The following COMMD1 variants were observed in gnomAD, a reference collection of about 807,000 sequenced individuals.
COMMD1 encodes COMM domain-containing protein 1.
COMMD1 carries 10 observed loss-of-function variants against 17.2 expected under a neutral mutation model. That is an observed-to-expected ratio of 0.58 (90% CI 0.36 to 0.99). The LOEUF is 0.99. COMMD1 is among the 50% of genes least tolerant of loss of function. COMMD1 has a pLI of 0.01. For synonymous variants in COMMD1, 97 were observed against 91.6 expected (o/e 1.06, Z -0.34); for missense variants, 270 against 231.8 (o/e 1.17, Z -1.07).
chr2:61,905,912 C>A, intron 1 of COMMD1, 54 bp downstream of exon 1: 1 of 1,566,248 alleles, frequency 6.4e-7, no homozygotes, highest in Non-Finnish European at 8.8e-7. Context: ...TGGCCGCTGG[C>A]TTCAGACTCT....
intron 2 of COMMD1, among the ~76,000 whole-genome samples, chr2:62,080,144 GAA>G (rs1671477200): frequency 4.6e-5 from 7 of 152,070 alleles, no homozygotes; most frequent in Admixed American, 4.6e-4. Context: ...TGTCCACAAA[GAA>G]AACCAGAATG....
chr2:61,978,167 A>T (rs1671857699), intron 1 of COMMD1, among the ~76,000 whole-genome samples: 1 of 152,152 alleles, frequency 6.6e-6, no homozygotes, highest in Admixed American at 6.6e-5. Flanking sequence ...AAGTATATTT[A>T]TTGCTAGATG....
At chr2:62,020,872 G>A (rs755473605) in intron 2 of COMMD1, among the ~76,000 whole-genome samples, 7 of 152,162 alleles carry the variant, frequency 4.6e-5, no homozygotes, top group South Asian at 2.1e-4. Context: ...GCGTCATGGC[G>A]CATGCCTGTA....
At chr2:62,004,440 T>C (rs1014921074) in intron 2 of COMMD1, among the ~76,000 whole-genome samples, 2 of 152,090 alleles carry the variant, frequency 1.3e-5, no homozygotes, top group African/African-American at 4.8e-5. Flanking sequence ...TAGCTGGGAT[T>C]ACAGGTGCCT....
chr2:62,000,442 G>A (rs1668897625), intron 1 of COMMD1, among the ~76,000 whole-genome samples: 4 of 151,436 alleles, frequency 2.6e-5, no homozygotes, highest in East Asian at 1.9e-4. Context: ...TATATACCAC[G>A]CACAACCATG....
intron 1 of COMMD1, among the ~76,000 whole-genome samples, chr2:61,930,548 T>G (rs915794550): frequency 2.6e-5 from 4 of 151,614 alleles, no homozygotes; most frequent in Non-Finnish European, 5.9e-5. Flanking sequence ...AGAGCAAGAC[T>G]CCGTCTCGGA....
chr2:62,079,253 T>C (rs1294926786), intron 2 of COMMD1, among the ~76,000 whole-genome samples: 1 of 152,126 alleles, frequency 6.6e-6, no homozygotes, highest in East Asian at 1.9e-4. Context: ...CAGTAGGGCG[T>C]TCCTGAAAGA....
chr2:62,133,588 T>C (rs910426004), intron 2 of COMMD1, among the ~76,000 whole-genome samples: 1 of 151,700 alleles, frequency 6.6e-6, no homozygotes, highest in Non-Finnish European at 1.5e-5. Context: ...GCAGTTAGAC[T>C]TGAAAGCTTG....
At chr2:61,925,228 A>T (rs966694834) in intron 1 of COMMD1, among the ~76,000 whole-genome samples, 3 of 151,894 alleles carry the variant, frequency 2.0e-5, no homozygotes, top group African/African-American at 7.3e-5. Context: ...TCCCGGCCAG[A>T]GTCTGTCTGC....
At chr2:62,118,051 G>A (rs944548295) in intron 2 of COMMD1, among the ~76,000 whole-genome samples, 4 of 152,168 alleles carry the variant, frequency 2.6e-5, no homozygotes, top group Admixed American at 6.5e-5. Context: ...AATTGTGTGC[G>A]ATTTTAAGTA....
chr2:62,066,436 CTTT>C (rs34663203), intron 2 of COMMD1, among the ~76,000 whole-genome samples: 6 of 137,020 alleles, frequency 4.4e-5, no homozygotes, highest in Admixed American at 7.3e-5. Context: ...AAGATCAAAT[CTTT>C]TTTTTTTTTT....
chr2:61,890,776 G>A (rs1207850346), intron 1 of COMMD1, among the ~76,000 whole-genome samples: 1 of 148,318 alleles, frequency 6.7e-6, no homozygotes, highest in African/African-American at 2.5e-5. Context: ...GCAGTGAGCC[G>A]AGATTGCGCC....
In COMMD1 at chr2:62,035,298, G is replaced by T. The variant is rs1369891142; in HGVS notation, c.462+34316G>T. 3.3e-5 allele frequency among the ~76,000 whole-genome samples: 5 copies of T among 152,078 alleles called. No homozygotes were observed. In the East Asian group the frequency reaches 9.6e-4, roughly 29 times the overall value. ...CTTTATTCCAATACATATTTATTAG[G>T]CTAGAATTCAAAGCTCAACTGAAAA... On this transcript the variant is annotated intron_variant, in intron 2 of 2. Transcript: ENST00000311832.
intron 1 of COMMD1, among the ~76,000 whole-genome samples, chr2:61,985,511 GTTAT>G (rs750264336): frequency 3.9e-5 from 6 of 152,196 alleles, no homozygotes; most frequent in Admixed American, 2.6e-4. Context: ...CTGCCACTTT[GTTAT>G]TTGTTTTCTG....
At chr2:61,992,667 T>G (rs1672281036) in intron 1 of COMMD1, among the ~76,000 whole-genome samples, 2 of 152,188 alleles carry the variant, frequency 1.3e-5, no homozygotes, top group African/African-American at 4.8e-5. Flanking sequence ...CCCTAGCTCA[T>G]GCTCACTTAA....
intron 2 of COMMD1, among the ~76,000 whole-genome samples, chr2:62,066,296 C>T (rs918280716): frequency 1.3e-5 from 2 of 151,930 alleles, no homozygotes; most frequent in African/African-American, 4.8e-5. Flanking sequence ...ATTCAGATAC[C>T]TATACTTAGG....
chr2:61,929,977 C>A (rs1043911737), intron 1 of COMMD1, among the ~76,000 whole-genome samples: 6 of 151,352 alleles, frequency 4.0e-5, no homozygotes, highest in African/African-American at 1.5e-4. Flanking sequence ...TGTTTTTTAT[C>A]ATAAGGGACT....
intron 2 of COMMD1, among the ~76,000 whole-genome samples, chr2:62,066,436 C>CT (rs34663203): frequency 3.1e-3 from 418 of 137,036 alleles, no homozygotes; most frequent in Middle Eastern, 3.8e-3. Context: ...AAGATCAAAT[C>CT]TTTTTTTTTT....
intron 1 of COMMD1, among the ~76,000 whole-genome samples, chr2:61,898,460 A>C (rs995195067): frequency 6.6e-6 from 1 of 152,174 alleles, no homozygotes; most frequent in Non-Finnish European, 1.5e-5. Flanking sequence ...TGGATGACAG[A>C]GTGAGACCCT....
Sources: allele counts gnomAD v4.1 joint callset (sites outside exome capture counted in the v4.1 genomes callset), GRCh38; gene constraint gnomAD v4.1.1; transcripts MANE v1.5; gene names NCBI Gene and HGNC (gene_info 2026-07-23, HGNC 2026-07-21).